FER: variants seen among roughly 807,000 people sequenced by gnomAD.
FER encodes FER tyrosine kinase.
A neutral mutation model predicts 111.0 loss-of-function variants in FER; 63 were observed. That is an observed-to-expected ratio of 0.57 (90% CI 0.46 to 0.70). The LOEUF (loss-of-function observed/expected upper bound fraction) is 0.70. Ranked by LOEUF, FER falls within the 30% of genes least tolerant of loss-of-function variation. FER has a pLI of 0.00. For synonymous variants in FER, 327 were observed against 313.9 expected, an observed-to-expected ratio of 1.04 and a Z score of -0.44; for missense variants, 914 against 954.0, an observed-to-expected ratio of 0.96 and a Z score of 0.55.
At chr5:108,797,060 G>A (rs934722247) in intron 2 of FER, among the ~76,000 whole-genome samples, 12 of 151,988 alleles carry the variant, frequency 7.9e-5, no homozygotes, top group African/African-American at 2.9e-4. Flanking sequence ...GTTATTCAGG[G>A]ACCAGAGGCT....
At chr5:109,115,578 A>G (rs1750130948) in intron 17 of FER, among the ~76,000 whole-genome samples, 1 of 152,156 alleles carries the variant, frequency 6.6e-6, no homozygotes, top group Non-Finnish European at 1.5e-5. Context: ...AATTATGTAA[A>G]TAGTTCAAGT....
intron 17 of FER, among the ~76,000 whole-genome samples, chr5:109,138,682 C>G (rs1028486943): frequency 1.3e-5 from 2 of 152,146 alleles, no homozygotes; most frequent in African/African-American, 2.4e-5. Context: ...TATCAGTCAG[C>G]TATCCTTGTG....
At chr5:109,068,756 T>C (rs1234638438) in intron 16 of FER, among the ~76,000 whole-genome samples, 1 of 152,218 alleles carries the variant, frequency 6.6e-6, no homozygotes, top group African/African-American at 2.4e-5. Context: ...TGAAATAATA[T>C]ATGTAAAGAA....
At chr5:108,955,367 A>G (rs1156796716) in intron 12 of FER, among the ~76,000 whole-genome samples, 2 of 151,794 alleles carry the variant, frequency 1.3e-5, no homozygotes, top group East Asian at 3.8e-4. Context: ...AATAGTAATA[A>G]TAAAATTTCT....
intron 10 of FER, among the ~76,000 whole-genome samples, chr5:108,937,641 T>C (rs1357362017): frequency 1.3e-5 from 2 of 151,470 alleles, no homozygotes; most frequent in Non-Finnish European, 1.5e-5. Context: ...GTCTGAGAGG[T>C]TGGAGGATAG....
intron 13 of FER, among the ~76,000 whole-genome samples, chr5:109,008,506 G>A (rs1463375198): frequency 6.6e-6 from 1 of 152,018 alleles, no homozygotes; most frequent in Non-Finnish European, 1.5e-5. Flanking sequence ...CTGTGTTATC[G>A]CAGCTCCTCT....
chr5:109,115,261 T>C (rs1201228225), intron 17 of FER, among the ~76,000 whole-genome samples: 1 of 151,976 alleles, frequency 6.6e-6, no homozygotes, highest in Non-Finnish European at 1.5e-5. Context: ...TAAACTATAG[T>C]AGTGATAGGA....
At chr5:109,146,023 C>T (rs551713512) in intron 17 of FER, among the ~76,000 whole-genome samples, 13 of 150,612 alleles carry the variant, frequency 8.6e-5, no homozygotes, top group African/African-American at 2.2e-4. Flanking sequence ...TTTTAAGATA[C>T]GTACAGATGA....
chr5:108,814,671 C>G (rs1007693293), intron 3 of FER, among the ~76,000 whole-genome samples: 2 of 152,140 alleles, frequency 1.3e-5, no homozygotes, highest in African/African-American at 4.8e-5. Context: ...TCAATCTGTT[C>G]CCTTAACCAT....
chr5:109,105,498 A>T (rs1332192128), intron 17 of FER, among the ~76,000 whole-genome samples: 1 of 152,128 alleles, frequency 6.6e-6, no homozygotes, highest in Non-Finnish European at 1.5e-5. Flanking sequence ...AATAAATAAA[A>T]ATAAAATAAA....
rs181879947 is a variant in FER, at chr5:108,909,957, A to G, written c.1236+12109A>G. On this transcript the variant is annotated intron_variant, in intron 10 of 19. Coordinates refer to ENST00000281092, the MANE Select transcript of FER (RefSeq NM_005246.4). ...AAAGCCACAAAACTACTAGAAGAAA[A>G]TATTACTGAACATTTTCCTATGTTG... Among the ~76,000 whole-genome samples the G allele has an allele frequency of 6.6e-3, 996 of 151,996 alleles. 7 individuals carry two copies. The highest frequency in any genetic ancestry group is 0.01 in the Middle Eastern group (3 of 294).
At chr5:109,081,875 A>G (rs1396450577) in intron 16 of FER, among the ~76,000 whole-genome samples, 1 of 152,046 alleles carries the variant, frequency 6.6e-6, no homozygotes, top group African/African-American at 2.4e-5. Context: ...AAAGTACTTT[A>G]AAGGTACTTG....
chr5:109,078,472 C>G (rs1485673421), intron 16 of FER, among the ~76,000 whole-genome samples: 3 of 152,226 alleles, frequency 2.0e-5, no homozygotes, highest in African/African-American at 7.2e-5. Context: ...CTTTTTCTTT[C>G]TCAGTCAACC....
chr5:109,130,699 A>G (rs1752263085), intron 17 of FER, among the ~76,000 whole-genome samples: 1 of 152,008 alleles, frequency 6.6e-6, no homozygotes, highest in South Asian at 2.1e-4. Context: ...GAAATTTTCA[A>G]AATCTGGTGT....
intron 17 of FER, among the ~76,000 whole-genome samples, chr5:109,111,087 A>G (rs536420289): frequency 6.6e-6 from 1 of 152,310 alleles, no homozygotes; most frequent in African/African-American, 2.4e-5. Context: ...AATAAGTTCT[A>G]GATCTTTAGA....
intron 13 of FER, 55 bp from the exon 14 acceptor site, chr5:109,037,367 T>G: frequency 6.7e-7 from 1 of 1,496,700 alleles, no homozygotes; most frequent in South Asian, 1.2e-5. Context: ...CAAATGCAAC[T>G]TCAAGAAGTG....
intron 13 of FER, among the ~76,000 whole-genome samples, chr5:109,016,200 G>A (rs571395043): frequency 3.3e-5 from 5 of 151,958 alleles, no homozygotes; most frequent in Non-Finnish European, 2.9e-5. Flanking sequence ...AGATCTTTAT[G>A]TATTCCAAGG....
At chr5:108,944,174 A>G (rs1218547574) in intron 10 of FER, among the ~76,000 whole-genome samples, 3 of 152,110 alleles carry the variant, frequency 2.0e-5, no homozygotes, top group Non-Finnish European at 4.4e-5. Flanking sequence ...ATTTTAAAAT[A>G]ATGAAAAACT....
In FER at chr5:109,124,406, G is replaced by C. The variant is rs541382538; in HGVS notation, c.2048+23887G>C. Among the ~76,000 whole-genome samples, 4 of 152,242 alleles carry C rather than the reference G, an allele frequency of 2.6e-5. No homozygotes were observed. In the South Asian group the frequency reaches 8.3e-4, roughly 32 times the overall value. ...GGTTCTTAAGGCTTATGAACTCTTC[G>C]TGTACTTGTGAGATGGAAGAAGTTA... On this transcript the variant is annotated intron_variant, in intron 17 of 19. Coordinates refer to ENST00000281092, the MANE Select transcript of FER (RefSeq NM_005246.4).
Sources: gnomAD v4.1 joint callset for allele counts (sites outside exome capture counted in the v4.1 genomes callset) on GRCh38, gnomAD v4.1.1 for gene constraint, MANE v1.5 for transcripts, NCBI Gene and HGNC (gene_info 2026-07-23, HGNC 2026-07-21) for gene names.